The following HAT1 variants were observed in gnomAD, a reference collection of about 807,000 sequenced individuals.
The protein encoded by HAT1 is histone acetyltransferase 1, also known as histone acetyltransferase type B catalytic subunit.
Under a neutral mutation model 56.6 loss-of-function variants are expected in HAT1, and 20 were observed. The ratio of observed to expected loss-of-function variants is 0.35; its 90% confidence interval spans 0.25 to 0.51. The LOEUF (loss-of-function observed/expected upper bound fraction) is 0.51, where lower values mean the gene tolerates loss of function less well. Among genes scored for constraint, HAT1 ranks in the 20% least tolerant of loss-of-function variants. The pLI is 0.95. For synonymous variants in HAT1, 146 were observed against 165.5 expected, an observed-to-expected ratio of 0.88 and a Z score of 0.91; for missense variants, 408 against 504.3, an observed-to-expected ratio of 0.81 and a Z score of 1.83.
intron 4 of HAT1, among the ~76,000 whole-genome samples, chr2:171,962,249 A>G (rs1687592659): frequency 6.6e-6 from 1 of 152,244 alleles, no homozygotes; most frequent in Non-Finnish European, 1.5e-5. Flanking sequence ...GTTAAATAGT[A>G]TACAATCTAA....
At chr2:171,964,723 C>G (rs1687645643) in intron 4 of HAT1, 1 of 152,126 alleles carries the variant, frequency 6.6e-6, no homozygotes, top group South Asian at 2.1e-4. Context: ...GTTGTCCAGT[C>G]TTGTCTCTTT....
rs1209594272 is a variant in HAT1 at position 171,965,327 on chromosome 2, T to G, written c.310-11T>G. The G allele has an allele frequency of 9.8e-6, 15 of 1,532,374 alleles. No individual in the cohort carries two copies. Among genetic ancestry groups the G allele is most frequent in the Middle Eastern group, 1.7e-4 (1 of 5,850 alleles). 94.9% of individuals were successfully genotyped at this position (1,532,374 alleles called of 1,614,324 possible). The stretch of plus-strand genomic sequence containing the variant: ...ATTTGTTATTAATTTTTTATATCCT[T>G]TATTCTTTAGGCAGATGATGTTGAG... On this transcript the variant is annotated splice_polypyrimidine_tract_variant and intron_variant, in intron 4 of 10. Coordinates refer to ENST00000264108, the MANE Select transcript of HAT1 (RefSeq NM_003642.4).
chr2:171,956,303 C>G (rs1015744102), intron 4 of HAT1, among the ~76,000 whole-genome samples: 1 of 149,426 alleles, frequency 6.7e-6, no homozygotes, highest in Non-Finnish European at 1.5e-5. Context: ...GGCAGTATGG[C>G]GAAAACCCAT....
chr2:171,942,150 C>G (rs1687034146), intron 2 of HAT1, among the ~76,000 whole-genome samples: 1 of 152,240 alleles, frequency 6.6e-6, no homozygotes, highest in African/African-American at 2.4e-5. Flanking sequence ...GGTGATCCAC[C>G]TGCCTTGGCC....
intron 8 of HAT1, among the ~76,000 whole-genome samples, chr2:171,970,667 G>A (rs1338508903): frequency 1.9e-4 from 29 of 149,246 alleles, no homozygotes; most frequent in African/African-American, 6.4e-4. Flanking sequence ...CTACAGGTGC[G>A]TGCCACCATG....
At chr2:171,936,608 G>A (rs1240277271) in intron 2 of HAT1, among the ~76,000 whole-genome samples, 2 of 152,196 alleles carry the variant, frequency 1.3e-5, no homozygotes, top group Non-Finnish European at 2.9e-5. Flanking sequence ...TGGGAATAAA[G>A]AGTGTGATGG....
intron 2 of HAT1, among the ~76,000 whole-genome samples, chr2:171,935,596 G>A (rs144506066): frequency 8.8e-4 from 134 of 151,626 alleles, no homozygotes; most frequent in Middle Eastern, 3.4e-3. Flanking sequence ...TTGGGGTATG[G>A]TTGGGTGTGG....
chr2:171,951,890 C>T (rs1307964619), intron 3 of HAT1, among the ~76,000 whole-genome samples: 5 of 152,204 alleles, frequency 3.3e-5, no homozygotes, highest in Non-Finnish European at 5.9e-5. Context: ...TGGTCTTGAT[C>T]CTAGTATCAT....
At chr2:171,935,433 T>C (rs1192456481) in intron 2 of HAT1, among the ~76,000 whole-genome samples, 1 of 144,822 alleles carries the variant, frequency 6.9e-6, no homozygotes, top group Non-Finnish European at 1.5e-5. Flanking sequence ...GAGAATCGTT[T>C]GAACCTTGGA....
chr2:171,930,529 A>G (rs2105965170), intron 2 of HAT1, among the ~76,000 whole-genome samples: 1 of 152,326 alleles, frequency 6.6e-6, no homozygotes, highest in South Asian at 2.1e-4. Flanking sequence ...GTGCATGTGC[A>G]TATGCATGGA....
intron 4 of HAT1, among the ~76,000 whole-genome samples, chr2:171,953,207 G>A (rs76350913): frequency 3.9e-5 from 6 of 151,904 alleles, no homozygotes; most frequent in East Asian, 1.9e-4. Context: ...TTAGTGGGGC[G>A]TGGTGGCATG....
At chr2:171,933,018 C>A (rs939373787) in intron 2 of HAT1, among the ~76,000 whole-genome samples, 1 of 151,946 alleles carries the variant, frequency 6.6e-6, no homozygotes, top group Middle Eastern at 3.2e-3. Context: ...TATCTGTTTT[C>A]TTAATCTTTA....
intron 7 of HAT1, 94 bp downstream of exon 7, chr2:171,966,607 A>T (rs889066611): frequency 2.0e-5 from 12 of 606,662 alleles, no homozygotes; most frequent in South Asian, 4.0e-5. Context: ...TGATTTGTTT[A>T]AAAAAAAAAT....
chr2:171,961,528 T>C (rs1362279160), intron 4 of HAT1, among the ~76,000 whole-genome samples: 1 of 152,152 alleles, frequency 6.6e-6, no homozygotes. Context: ...TGAGAGCAGA[T>C]TTTAAAAATT....
intron 10 of HAT1, among the ~76,000 whole-genome samples, chr2:171,981,569 G>A (rs1004398967): frequency 4.6e-5 from 7 of 152,110 alleles, no homozygotes; most frequent in African/African-American, 1.7e-4. Context: ...CAGTGCAACT[G>A]TATTTCCTAA....
At chr2:171,978,613 T>TG (rs1688049123) in intron 9 of HAT1, among the ~76,000 whole-genome samples, 1 of 152,212 alleles carries the variant, frequency 6.6e-6, no homozygotes, top group African/African-American at 2.4e-5. Context: ...CTAGAGTCCT[T>TG]GACCCCTTGG....
intron 8 of HAT1, among the ~76,000 whole-genome samples, chr2:171,972,007 T>G (rs533463094): frequency 2.3e-3 from 347 of 152,182 alleles, no homozygotes; most frequent in African/African-American, 8.0e-3. Context: ...GCAACACACA[T>G]AGGGGCTGCA....
At chr2:171,939,629 A>G (rs1485339216) in intron 2 of HAT1, among the ~76,000 whole-genome samples, 1 of 152,188 alleles carries the variant, frequency 6.6e-6, no homozygotes, top group African/African-American at 2.4e-5. Flanking sequence ...ATTTCCTCAC[A>G]GAGCAATGTG....
chr2:171,982,561 G>A (rs1688158492), intron 10 of HAT1, among the ~76,000 whole-genome samples: 1 of 152,154 alleles, frequency 6.6e-6, no homozygotes, highest in Non-Finnish European at 1.5e-5. Flanking sequence ...GTTGTTATCA[G>A]CTACCTGTTG....
Sources: allele counts gnomAD v4.1 joint callset (sites outside exome capture counted in the v4.1 genomes callset), GRCh38; gene constraint gnomAD v4.1.1; transcripts MANE v1.5; gene names NCBI Gene and HGNC (gene_info 2026-07-23, HGNC 2026-07-21).